Variants in POT1 observed in about 807,000 individuals in gnomAD.
POT1 encodes the protein protection of telomeres protein 1.
POT1 carries 47 observed loss-of-function variants against 78.5 expected under a neutral mutation model. The ratio of observed to expected loss-of-function variants is 0.60; its 90% CI spans 0.47 to 0.76. The LOEUF (loss-of-function observed/expected upper bound fraction) is 0.76, where lower values mean the gene tolerates loss of function less well. Among genes scored for constraint, POT1 ranks in the 30% least tolerant of loss-of-function variants. The probability of loss-of-function intolerance (pLI) is 0.00; values close to 1 mark genes in which losing one functional copy is unlikely to be tolerated. For missense variants in POT1, 646 were observed against 749.9 expected (o/e 0.86, Z 1.62); for synonymous variants, 259 against 260.7 (o/e 0.99, Z 0.06).
chr7:124,877,840 CAAAA>C (rs201285982), intron 6 of POT1, among the ~76,000 whole-genome samples: 5 of 80,570 alleles, frequency 6.2e-5, no homozygotes, highest in East Asian at 5.7e-4. Flanking sequence ...GATTCTGTCT[CAAAA>C]AAAAAAAAAA....
At chr7:124,855,129 G>A (rs1311638466) in intron 9 of POT1, among the ~76,000 whole-genome samples, 1 of 149,170 alleles carries the variant, frequency 6.7e-6, no homozygotes, top group Non-Finnish European at 1.5e-5. Context: ...TGAGAGGGGG[G>A]CTTTACCCTA....
At chr7:124,841,911 A>ATTTTAC (rs1451346563) in intron 13 of POT1, among the ~76,000 whole-genome samples, 11 of 151,976 alleles carry the variant, frequency 7.2e-5, no homozygotes, top group Non-Finnish European at 7.4e-5. Context: ...AATCCCAACC[A>ATTTTAC]CCATTTCAAG....
chr7:124,832,821 C>CAAAA (rs36025106), intron 15 of POT1, among the ~76,000 whole-genome samples: 2 of 114,166 alleles, frequency 1.8e-5, no homozygotes, highest in African/African-American at 3.5e-5. Context: ...GACTTCATCT[C>CAAAA]AAAAAAAAAA....
At chr7:124,835,508 T>A in intron 14 of POT1, 94 bp from the exon 15 acceptor site, 1 of 1,330,918 alleles carries the variant, frequency 7.5e-7, no homozygotes, top group East Asian at 2.4e-5. Context: ...AATAAAAGAC[T>A]AAAGGAATTG....
chr7:124,858,807 ATACATTT>A (rs1795508632), intron 9 of POT1, 143 bp downstream of exon 9: 1 of 479,388 alleles, frequency 2.1e-6, no homozygotes, highest in Admixed American at 4.1e-5. Context: ...TTATTGTAAC[ATACATTT>A]TACAACTTAA....
chr7:124,831,007 C>G (rs749282436), intron 15 of POT1, among the ~76,000 whole-genome samples: 46 of 152,128 alleles, frequency 3.0e-4, no homozygotes, highest in Non-Finnish European at 4.6e-4. Flanking sequence ...AAGATGTGAA[C>G]ATGGAATTCA....
chr7:124,829,354 AAAAG>A lies in POT1; in HGVS notation c.1506-16_1506-13del, dbSNP rs781616553. The A allele has an allele frequency of 2.0e-6, 3 of 1,471,264 alleles. No homozygotes were observed. The highest frequency in any genetic ancestry group is 3.7e-5 in the Admixed American group (2 of 54,400). 91.1% of individuals were successfully genotyped at this position (1,471,264 alleles called of 1,614,324 possible). A position where few individuals can be genotyped will look rare whatever the true frequency, so the allele number is the denominator to read the frequency against. On this transcript the variant is annotated splice_polypyrimidine_tract_variant and intron_variant, in intron 15 of 18. Transcript: ENST00000357628. ...AACACTGTTTACATCTGAAATTTAT[AAAAG>A]AAAGAACCATAAATATTTAAAAATA...
chr7:124,841,797 G>A (rs1047540601), intron 13 of POT1, among the ~76,000 whole-genome samples: 6 of 151,758 alleles, frequency 4.0e-5, no homozygotes, highest in Admixed American at 2.0e-4. Flanking sequence ...AAATGATCGC[G>A]GAGAGTGGTT....
At chr7:124,863,103 C>T (rs539163299) in intron 8 of POT1, among the ~76,000 whole-genome samples, 10 of 152,168 alleles carry the variant, frequency 6.6e-5, no homozygotes, top group African/African-American at 2.2e-4. Context: ...TTTAAAAATG[C>T]ATCAGTCATA....
Position 124,853,066 on chromosome 7 carries a change from A to T in POT1, c.775T>A (p.Leu259Ile). ...CCATGAAGATGAAACTCTAAACTTA[A>T]CATTGTCTGATTCTCTGAATTCATT... is the stretch of plus-strand genomic sequence containing the variant. ...QSMNSENQTM[L>I]SLEFHLHGGT... is the part of the protein sequence containing the mutation. The change falls in exon 10 of 19, where the codon TTA becomes ATA. Residue 259 changes from leucine to isoleucine, a missense_variant. Transcript: ENST00000357628. 1 of 1,610,466 alleles carries T rather than the reference A, an allele frequency of 6.2e-7. No individual in the cohort carries two copies. Among genetic ancestry groups the T allele is most frequent in the Non-Finnish European group, 8.5e-7 (1 of 1,176,846 alleles).
intron 6 of POT1, among the ~76,000 whole-genome samples, chr7:124,877,578 T>A (rs1796018979): frequency 6.6e-6 from 1 of 151,526 alleles, no homozygotes; most frequent in African/African-American, 2.4e-5. Context: ...GGCTCACACC[T>A]GTAATCCCAC....
At chr7:124,846,505 A>C (rs956860134) in intron 12 of POT1, among the ~76,000 whole-genome samples, 1 of 151,880 alleles carries the variant, frequency 6.6e-6, no homozygotes, top group Non-Finnish European at 1.5e-5. Context: ...TACTAACATT[A>C]AATTAAAATT....
At chr7:124,846,162 GACACACACAC>G (rs60301966) in intron 12 of POT1, among the ~76,000 whole-genome samples, 1 of 148,718 alleles carries the variant, frequency 6.7e-6, no homozygotes, top group African/African-American at 2.5e-5. Flanking sequence ...CATTCATACT[GACACACACAC>G]ACACACACAC....
At chr7:124,844,118 C>T (rs1231389815) in intron 12 of POT1, among the ~76,000 whole-genome samples, 3 of 136,382 alleles carry the variant, frequency 2.2e-5, no homozygotes, top group East Asian at 2.3e-4. Flanking sequence ...GTTGTGGTGG[C>T]GATTGTGGTT....
intron 8 of POT1, among the ~76,000 whole-genome samples, chr7:124,862,106 A>G (rs1030417270): frequency 1.3e-5 from 2 of 152,100 alleles, no homozygotes; most frequent in African/African-American, 4.8e-5. Context: ...TGACTTTTCA[A>G]TATTGTATTT....
chr7:124,836,291 G>A (rs750152783), intron 14 of POT1, among the ~76,000 whole-genome samples: 2 of 152,232 alleles, frequency 1.3e-5, no homozygotes, highest in Non-Finnish European at 2.9e-5. Flanking sequence ...TGGCAAGAAC[G>A]GTGAGCTCTG....
chr7:124,905,256 C>G (rs935530185), intron 3 of POT1, among the ~76,000 whole-genome samples: 18 of 152,150 alleles, frequency 1.2e-4, no homozygotes, highest in African/African-American at 3.9e-4. Flanking sequence ...GTAACCAAAA[C>G]AGCATGGTAC....
In POT1 at chr7:124,853,000, T is replaced by C. The variant is rs780098976; in HGVS notation, c.841A>G (p.Ser281Gly). Residue 281 changes from serine to glycine, a missense_variant, in exon 10 of 19, where the codon AGT becomes GGT. By Grantham distance (56) the Ser-to-Gly change is moderately conservative. Transcript: ENST00000357628. ...YGRGIRVLPESNSDVDQLKKD... is the reference protein window; with the variant it reads ...YGRGIRVLPEGNSDVDQLKKD... The stretch of plus-strand genomic sequence containing the variant: ...TTCAGTTGATCCACATCAGAGTTAC[T>C]TTCTGGCAAGACCCTGATTCCCCGA... 4 of 1,613,414 alleles carry C rather than the reference T, an allele frequency of 2.5e-6. No individual in the cohort carries two copies. The highest frequency in any genetic ancestry group is 3.3e-5 in the Admixed American group (2 of 59,978).
At chr7:124,906,302 T>C (rs1365223158) in intron 3 of POT1, among the ~76,000 whole-genome samples, 1 of 152,106 alleles carries the variant, frequency 6.6e-6, no homozygotes, top group Non-Finnish European at 1.5e-5. Context: ...TGGAATACTA[T>C]GCAACCGTAA....
Sources: allele counts gnomAD v4.1 joint callset (sites outside exome capture counted in the v4.1 genomes callset), GRCh38; gene constraint gnomAD v4.1.1; transcripts MANE v1.5; gene names NCBI Gene and HGNC (gene_info 2026-07-23, HGNC 2026-07-21).